Variants in SLC25A41 observed in about 807,000 individuals in gnomAD.
SLC25A41 encodes the protein solute carrier family 25 member 41.
In SLC25A41, 35 loss-of-function variants were observed where a neutral mutation model predicts 34.7. The ratio of observed to expected loss-of-function variants is 1.01; its 90% CI spans 0.77 to 1.34. The LOEUF is 1.34. SLC25A41 is among the 40% of genes most tolerant of loss of function. The pLI is 0.00. For missense variants in SLC25A41, 492 were observed against 489.8 expected (o/e 1.00, Z -0.04); for synonymous variants, 190 against 209.9 (o/e 0.91, Z 0.82).
At chr19:6,435,223 CA>C (rs1308581356), upstream of SLC25A41, among the ~76,000 whole-genome samples, 477 of 52,666 alleles carry the variant, frequency 9.1e-3, 1 homozygote, top group Non-Finnish European at 0.011. Context: ...GACCCTGTCT[CA>C]AAAAAAAAAA....
At chr19:6,428,139 G>A (rs906938386) in intron 4 of SLC25A41, among the ~76,000 whole-genome samples, 10 of 152,014 alleles carry the variant, frequency 6.6e-5, no homozygotes, top group Non-Finnish European at 1.2e-4. Flanking sequence ...ACCCTAGGTC[G>A]GGTGCGGTAG....
chr19:6,427,269 A>G lies in SLC25A41; in HGVS notation c.793-19T>C. 1.2e-6 allele frequency: 2 copies of G among 1,611,690 alleles called. No homozygotes were observed. The highest frequency in any genetic ancestry group is 1.1e-5 in the South Asian group (1 of 91,034). On this transcript the variant is annotated intron_variant, in intron 5 of 6. Transcript: ENST00000321510. The surrounding 1 kb of genome is among the most constrained non-coding windows in gnomAD (Gnocchi z 4.9). Reference sequence around the variant, plus strand: ...GGAGCATCTGCAAGAGAAGGGGGCCAGGAGAAAGCTCACTAGGAGCCTGGG... The same window carrying G: ...GGAGCATCTGCAAGAGAAGGGGGCCGGGAGAAAGCTCACTAGGAGCCTGGG...
chr19:6,432,308 C>T, intron 1 of SLC25A41, 104 bp from the exon 2 acceptor site: 2 of 1,297,092 alleles, frequency 1.5e-6, no homozygotes, highest in East Asian at 2.5e-5. Flanking sequence ...CCCTGTTCCC[C>T]CAAGTCTGCA....
In SLC25A41 at chr19:6,427,480, A is replaced by C. The variant is rs749063993; in HGVS notation, c.646T>G (p.Leu216Val). The stretch of plus-strand genomic sequence containing the variant: ...CCCTTGTACTGGCCCGTCCGACGCA[A>C]GGTCAACCGCGTCTTCAGCACCTGA... ...PMEVLKTRLT[L>V]RRTGQYKGLL... is the part of the protein sequence containing the mutation. Residue 216 changes from leucine (L) to valine (V), a missense_variant, in exon 5 of 7, where the codon TTG (leucine) becomes GTG (valine). By Grantham distance (32) the Leu-to-Val change is conservative (BLOSUM62 1). Coordinates refer to ENST00000321510, the MANE Select transcript of SLC25A41 (RefSeq NM_173637.4). This position sits in a 1 kb window ranked among gnomAD's most constrained non-coding sequence, Gnocchi z 4.9. 71 of 1,557,634 alleles carry C rather than the reference A, an allele frequency of 4.6e-5. No individual in the cohort carries two copies. Among genetic ancestry groups the C allele is most frequent in the Admixed American group, 1.3e-4 (7 of 53,130 alleles).
At chr19:6,432,350 C>G in intron 1 of SLC25A41, 146 bp from the exon 2 acceptor site, 1 of 872,006 alleles carries the variant, frequency 1.1e-6, no homozygotes, top group Non-Finnish European at 1.7e-6. Context: ...TCTTGCTCTG[C>G]TGCCCAGGTT....
At chr19:6,432,960 A>T (rs1312153062) in intron 1 of SLC25A41, among the ~76,000 whole-genome samples, 1 of 151,414 alleles carries the variant, frequency 6.6e-6, no homozygotes, top group Non-Finnish European at 1.5e-5. Context: ...GAGCCACCAC[A>T]CCCAGCCAAT....
At position 6,431,434 on chromosome 19, in the gene SLC25A41, CT is replaced by C. The variant is rs1182111344; in HGVS notation, c.363+614del. Among the ~76,000 whole-genome samples, 558 of 142,044 alleles carry C rather than the reference CT, an allele frequency of 3.9e-3. 8 individuals are homozygous for C. Among genetic ancestry groups the C allele is most frequent in the East Asian group, 0.019 (91 of 4,918 alleles). The allele number at this position is 142,044 out of a possible 152,430, so 93.2% of individuals were successfully genotyped here. Reference sequence around the variant, plus strand: ...TGAGGTAGCTCCAGTTCTATGTTGCCTTTTTTTTTTTTCTTTCTTTTTTGAG... The same window carrying C: ...TGAGGTAGCTCCAGTTCTATGTTGCCTTTTTTTTTTTCTTTCTTTTTTGAG... On this transcript the variant is annotated intron_variant, in intron 2 of 6. Coordinates refer to ENST00000321510, the MANE Select transcript of SLC25A41 (RefSeq NM_173637.4).
chr19:6,431,927 G>A (rs193116423), intron 2 of SLC25A41, 122 bp downstream of exon 2: 46 of 1,225,234 alleles, frequency 3.8e-5, no homozygotes, highest in Admixed American at 2.6e-5. Context: ...GTCCAGGAGA[G>A]CCCAACTCCA....
At chr19:6,428,150 C>A (rs183403030) in intron 4 of SLC25A41, among the ~76,000 whole-genome samples, 140 of 152,222 alleles carry the variant, frequency 9.2e-4, no homozygotes, top group South Asian at 1.9e-3. Flanking sequence ...GGTGCGGTAG[C>A]TCATGCCTGT....
intron 4 of SLC25A41, among the ~76,000 whole-genome samples, chr19:6,428,402 A>G (rs1055560889): frequency 7.2e-6 from 1 of 138,122 alleles, no homozygotes; most frequent in Non-Finnish European, 1.5e-5. Flanking sequence ...TGAGACTCTC[A>G]AAAAAAAAAA....
At chr19:6,436,204 CAGG>C, upstream of SLC25A41, 1 of 279,872 alleles carries the variant, frequency 3.6e-6, no homozygotes, top group Middle Eastern at 1.5e-3. Context: ...ATTAGGAACT[CAGG>C]AGCCGCTGAG....
chr19:6,432,485 T>C (rs921191874), intron 1 of SLC25A41, among the ~76,000 whole-genome samples: 5 of 147,808 alleles, frequency 3.4e-5, no homozygotes, highest in Non-Finnish European at 6.0e-5. Flanking sequence ...TTTTTTTTTT[T>C]TTTTTTTTTT....
At chr19:6,432,261 G>A in intron 1 of SLC25A41, 57 bp from the exon 2 acceptor site, 1 of 1,576,224 alleles carries the variant, frequency 6.3e-7, no homozygotes, top group East Asian at 2.3e-5. Flanking sequence ...ACCTTCCCCA[G>A]ACACACATCT....
Position 6,426,270 on chromosome 19 carries a change from T to G in SLC25A41, c.*119A>C. ...GCCCCACCCCCACCCCCAGCCTGCT[T>G]TTGCCACCAAAAACTGCCCCAGGGC... On this transcript the variant is annotated 3_prime_UTR_variant, in exon 7 of 7. Transcript: ENST00000321510. 1.2e-5 allele frequency: 5 copies of G among 413,718 alleles called. No homozygotes were observed. The highest frequency in any genetic ancestry group is 1.5e-5 in the Non-Finnish European group (4 of 270,554). 25.6% of individuals were successfully genotyped at this position (413,718 alleles called of 1,614,324 possible).
At chr19:6,431,004 T>TG (rs1480988351) in intron 2 of SLC25A41, among the ~76,000 whole-genome samples, 2 of 151,768 alleles carry the variant, frequency 1.3e-5, no homozygotes, top group African/African-American at 2.4e-5. Flanking sequence ...TTTGTATAGA[T>TG]GGGGTCTTAC....
upstream of SLC25A41, chr19:6,433,869 G>A (rs2092296692): frequency 4.1e-6 from 2 of 493,148 alleles, no homozygotes; most frequent in Non-Finnish European, 7.1e-6. Flanking sequence ...CTTCCCCCAA[G>A]TATCCACCTC....
intron 1 of SLC25A41, among the ~76,000 whole-genome samples, chr19:6,433,026 A>T (rs2092292897): frequency 6.6e-6 from 1 of 151,946 alleles, no homozygotes; most frequent in Admixed American, 6.6e-5. Context: ...TACAAATGTA[A>T]TTAGGACTAT....
intron 4 of SLC25A41, among the ~76,000 whole-genome samples, chr19:6,428,520 T>C (rs2092254674): frequency 6.8e-6 from 1 of 147,948 alleles, no homozygotes; most frequent in Admixed American, 6.8e-5. Flanking sequence ...TGTATTATTA[T>C]ACATTATGCA....
upstream of SLC25A41, among the ~76,000 whole-genome samples, chr19:6,435,232 A>G (rs2092304000): frequency 6.7e-6 from 1 of 148,410 alleles, no homozygotes; most frequent in African/African-American, 2.6e-5. Context: ...TCAAAAAAAA[A>G]AAAAAGAAAA....
Sources: allele counts gnomAD v4.1 joint callset (sites outside exome capture counted in the v4.1 genomes callset), GRCh38; gene constraint gnomAD v4.1.1; non-coding constraint Gnocchi (gnomAD v3.1); transcripts MANE v1.5; gene names NCBI Gene and HGNC (gene_info 2026-07-23, HGNC 2026-07-21).